The following C2orf76 variants were observed in gnomAD, a reference collection of about 807,000 sequenced individuals.
The protein encoded by C2orf76 is UPF0538 protein C2orf76.
A neutral mutation model predicts 16.9 loss-of-function variants in C2orf76; 23 were observed. That is an observed-to-expected ratio of 1.36 (90% CI 0.98 to 1.93). The LOEUF (loss-of-function observed/expected upper bound fraction) is 1.93. C2orf76 is among the 30% of genes most tolerant of loss of function. C2orf76 has a pLI of 0.00. For synonymous variants in C2orf76, 48 were observed against 52.3 expected, an observed-to-expected ratio of 0.92 and a Z score of 0.35; for missense variants, 152 against 152.6, an observed-to-expected ratio of 1.00 and a Z score of 0.02.
At chr2:119,289,117 CT>C in the C2orf76 span, among the ~76,000 whole-genome samples, 19 of 152,194 alleles carry the variant, frequency 1.2e-4, no homozygotes, top group African/African-American at 4.3e-4. Flanking sequence ...TACTCTGTCC[CT>C]TTGACTTGGA....
chr2:119,287,364 C>T, the C2orf76 span, among the ~76,000 whole-genome samples: 2 of 152,246 alleles, frequency 1.3e-5, no homozygotes, highest in Non-Finnish European at 2.9e-5. Context: ...AACCAGGCAA[C>T]TATCACACCT....
At chr2:119,332,953 G>A (rs775955392) in intron 2 of C2orf76, among the ~76,000 whole-genome samples, 8 of 152,122 alleles carry the variant, frequency 5.3e-5, no homozygotes, top group South Asian at 4.1e-4. Context: ...GGCTGGTCTC[G>A]AACTCCTGCA....
At chr2:119,342,359 C>A (rs549579675) in intron 1 of C2orf76, among the ~76,000 whole-genome samples, 5 of 152,074 alleles carry the variant, frequency 3.3e-5, no homozygotes, top group Non-Finnish European at 7.4e-5. Flanking sequence ...CCCTGTAATA[C>A]CTGCACTTTG....
At chr2:119,341,617 A>T (rs1331758361) in intron 1 of C2orf76, among the ~76,000 whole-genome samples, 1 of 152,156 alleles carries the variant, frequency 6.6e-6, no homozygotes, top group African/African-American at 2.4e-5. Flanking sequence ...TCAAAAACGC[A>T]TTTGTTTTAA....
At chr2:119,304,377 C>T (rs1678711560) in intron 5 of C2orf76, among the ~76,000 whole-genome samples, 1 of 152,186 alleles carries the variant, frequency 6.6e-6, no homozygotes, top group African/African-American at 2.4e-5. Flanking sequence ...TTATCTGAAC[C>T]CCTTTTGAGA....
At position 119,302,497 on chromosome 2, in the gene C2orf76, T is replaced by G; in HGVS notation, c.356A>C (p.Lys119Thr). ...TCACCAGGATGAAATGGGATTAGCT[T>G]TGTAGTTCTTATAATCTTCTTCACA... is the stretch of plus-strand genomic sequence containing the variant. ...FFCEEDYKNY[K>T]ANPISSW Residue 119 changes from lysine to threonine, a missense_variant, in exon 6 of 6, where the codon AAA (lysine) becomes ACA (threonine). Physicochemically the swap from Lys to Thr is moderately conservative, Grantham distance 78 (BLOSUM62 -1). Transcript: ENST00000334816. 1 of 1,489,306 alleles carries G rather than the reference T, an allele frequency of 6.7e-7. No individual in the cohort carries two copies. The highest frequency in any genetic ancestry group is 9.2e-7 in the Non-Finnish European group (1 of 1,087,354). The allele number at this position is 1,489,306 out of a possible 1,614,324, so 92.3% of individuals were successfully genotyped here.
Position 119,339,812 on chromosome 2 carries a change from T to A in C2orf76, c.133+15A>T. ...AAAACTACTAGTAAAACAAAATGGC[T>A]TTCACATCTCATACCTTGCTTTAGA... is the stretch of plus-strand genomic sequence containing the variant. On this transcript the variant is annotated intron_variant, in intron 2 of 5. Transcript: ENST00000334816. The A allele has an allele frequency of 6.3e-7, 1 of 1,581,294 alleles. No homozygotes were observed. The highest frequency in any genetic ancestry group is 1.7e-4 in the Middle Eastern group (1 of 5,940).
chr2:119,335,651 T>C (rs1213655602), intron 2 of C2orf76, among the ~76,000 whole-genome samples: 2 of 152,190 alleles, frequency 1.3e-5, no homozygotes, highest in Non-Finnish European at 2.9e-5. Context: ...TTCTGAAAAG[T>C]ACCATTTGAA....
At chr2:119,349,978 G>A (rs904055419) in intron 1 of C2orf76, among the ~76,000 whole-genome samples, 4 of 139,824 alleles carry the variant, frequency 2.9e-5, no homozygotes, top group African/African-American at 1.1e-4. Flanking sequence ...TGTCCAGGTG[G>A]GTATTGAACT....
intron 1 of C2orf76, among the ~76,000 whole-genome samples, chr2:119,343,840 AAC>A (rs1271018415): frequency 1.3e-5 from 2 of 152,282 alleles, no homozygotes; most frequent in East Asian, 3.9e-4. Flanking sequence ...ACATACATAA[AAC>A]ACAATTCCTC....
chr2:119,358,921 T>A (rs999838644), intron 1 of C2orf76, among the ~76,000 whole-genome samples: 2 of 152,070 alleles, frequency 1.3e-5, no homozygotes, highest in Non-Finnish European at 2.9e-5. Context: ...AACAACAGAT[T>A]TTCAACACAG....
intron 2 of C2orf76, 32 bp downstream of exon 2, chr2:119,339,795 T>G (rs1679966268): frequency 2.6e-6 from 4 of 1,566,906 alleles, no homozygotes; most frequent in Non-Finnish European, 3.5e-6. Flanking sequence ...TAAAAACTAC[T>G]AGTAAAACAA....
At chr2:119,282,957 G>A in the C2orf76 span, among the ~76,000 whole-genome samples, 1 of 152,204 alleles carries the variant, frequency 6.6e-6, no homozygotes, top group Admixed American at 6.5e-5. Flanking sequence ...GCTCCTCTAA[G>A]CCCCTCCTGA....
At chr2:119,365,832 C>CTTTTCAAACCCTTTTA (rs1680949829) in intron 1 of C2orf76, among the ~76,000 whole-genome samples, 1 of 152,170 alleles carries the variant, frequency 6.6e-6, no homozygotes, top group Non-Finnish European at 1.5e-5. Context: ...ACGTTCCCCT[C>CTTTTCAAACCCTTTTA]CGTCTCCTCA....
intron 4 of C2orf76, among the ~76,000 whole-genome samples, 177 bp from the exon 5 acceptor site, chr2:119,311,880 G>A (rs1679004555): frequency 6.6e-6 from 1 of 152,128 alleles, no homozygotes; most frequent in Admixed American, 6.6e-5. Context: ...CCGAGCTCAC[G>A]CACCACATAA....
chr2:119,343,475 TACACACAC>T (rs59651595), intron 1 of C2orf76, among the ~76,000 whole-genome samples: 5,399 of 145,820 alleles, frequency 0.037, 119 homozygotes, highest in African/African-American at 0.059. Flanking sequence ...CACCTATACC[TACACACAC>T]ACACACACAC....
intron 2 of C2orf76, 22 bp from the exon 3 acceptor site, chr2:119,321,226 T>C (rs1679331706): frequency 1.5e-6 from 2 of 1,291,658 alleles, no homozygotes; most frequent in South Asian, 2.7e-5. Flanking sequence ...AGATTATTTT[T>C]TTACACAATA....
the C2orf76 span, among the ~76,000 whole-genome samples, chr2:119,294,402 T>C: frequency 6.6e-6 from 1 of 151,992 alleles, no homozygotes; most frequent in Non-Finnish European, 1.5e-5. Context: ...GAAGGGAAGA[T>C]GGGGCGGCTC....
chr2:119,367,024 T>A, upstream of C2orf76: 1 of 1,614,020 alleles, frequency 6.2e-7, no homozygotes, highest in Non-Finnish European at 8.5e-7. Flanking sequence ...CTCCGCTGTC[T>A]CCCTGGAGTT....
Sources: allele counts gnomAD v4.1 joint callset (sites outside exome capture counted in the v4.1 genomes callset), GRCh38; gene constraint gnomAD v4.1.1; transcripts MANE v1.5; gene names NCBI Gene and HGNC (gene_info 2026-07-23, HGNC 2026-07-21).